Variants in ARPP19 observed in about 807,000 individuals in gnomAD.
ARPP19 encodes cAMP-regulated phosphoprotein 19.
A neutral mutation model predicts 12.0 loss-of-function variants in ARPP19; 8 were observed. The ratio of observed to expected loss-of-function variants is 0.67; its 90% CI spans 0.39 to 1.21. The LOEUF (loss-of-function observed/expected upper bound fraction) is 1.21. Ranked by LOEUF, ARPP19 falls within the 50% of genes most tolerant of loss-of-function variation. The pLI is 0.01. For missense variants in ARPP19, 102 were observed against 136.3 expected (o/e 0.75, Z 1.25); for synonymous variants, 47 against 50.4 (o/e 0.93, Z 0.29).
Position 52,568,837 on chromosome 15 carries a change from C to G in ARPP19, c.45+11G>C, listed in dbSNP as rs759462515. The G allele has an allele frequency of 6.4e-7, 1 of 1,568,582 alleles. No homozygotes were observed. The highest frequency in any genetic ancestry group is 1.4e-5 in the African/African-American group (1 of 70,312). Reference sequence around the variant, plus strand: ...TGGGCAGGGCCCAGGGCTCACGCCCCGCGCGCTCACCTTCTGCTCCTCCGC... The same window carrying G: ...TGGGCAGGGCCCAGGGCTCACGCCCGGCGCGCTCACCTTCTGCTCCTCCGC... On this transcript the variant is annotated intron_variant, in intron 1 of 2. Transcript: ENST00000249822.
At chr15:52,562,058 G>A (rs761079766) in intron 1 of ARPP19, among the ~76,000 whole-genome samples, 1 of 151,780 alleles carries the variant, frequency 6.6e-6, no homozygotes, top group East Asian at 1.9e-4. Flanking sequence ...GACTGCAGGC[G>A]TGAGCCACTG....
chr15:52,556,871 T>G (rs892056164), intron 2 of ARPP19: 11 of 407,290 alleles, frequency 2.7e-5, no homozygotes, highest in African/African-American at 6.2e-5. Context: ...TCTGCACTAT[T>G]TCTACATGCT....
At position 52,568,946 on chromosome 15, in the gene ARPP19, G is replaced by T. The variant is rs953406710; in HGVS notation, c.-54C>A. The T allele has an allele frequency of 3.5e-5, 40 of 1,147,572 alleles. No homozygotes were observed. Among genetic ancestry groups the T allele is most frequent in the Non-Finnish European group, 4.3e-5 (35 of 822,576 alleles). The allele number at this position is 1,147,572 out of a possible 1,614,324, so 71.1% of individuals were successfully genotyped here. On this transcript the variant is annotated 5_prime_UTR_variant, in exon 1 of 3. Transcript: ENST00000249822. ...GAAAAGATGCAATTAGCGGGTGGCC[G>T]AGGCCACCCGGCCGCCGCCCGTCCC...
intron 2 of ARPP19, among the ~76,000 whole-genome samples, chr15:52,556,196 G>A (rs927604911): frequency 6.6e-6 from 1 of 152,104 alleles, no homozygotes; most frequent in Non-Finnish European, 1.5e-5. Flanking sequence ...ACACAGACGT[G>A]TTTTAAGCAA....
At chr15:52,565,003 G>A (rs945420598) in intron 1 of ARPP19, among the ~76,000 whole-genome samples, 4 of 151,578 alleles carry the variant, frequency 2.6e-5, no homozygotes, top group Admixed American at 2.6e-4. Flanking sequence ...GGGTCCCTGA[G>A]CATAAGCTGC....
chr15:52,566,011 C>T (rs559118456), intron 1 of ARPP19, among the ~76,000 whole-genome samples: 4 of 152,118 alleles, frequency 2.6e-5, no homozygotes, highest in Non-Finnish European at 4.4e-5. Context: ...CGTGCCACCA[C>T]ACCCGGATAA....
chr15:52,557,969 A>G (rs975655571), intron 1 of ARPP19, among the ~76,000 whole-genome samples: 1 of 152,212 alleles, frequency 6.6e-6, no homozygotes, highest in African/African-American at 2.4e-5. Flanking sequence ...GTTTAAAATG[A>G]CAAACTCTGT....
intron 1 of ARPP19, among the ~76,000 whole-genome samples, chr15:52,566,632 T>A (rs529252342): frequency 7.9e-5 from 12 of 151,606 alleles, no homozygotes; most frequent in African/African-American, 2.9e-4. Flanking sequence ...GACAGAATCT[T>A]ACTATGTTGA....
intron 1 of ARPP19, among the ~76,000 whole-genome samples, chr15:52,563,069 T>G (rs1270091026): frequency 2.0e-5 from 3 of 151,922 alleles, no homozygotes; most frequent in Non-Finnish European, 4.4e-5. Context: ...ACAGACAGGG[T>G]TTCACCATCT....
chr15:52,561,142 T>G (rs1327617506), intron 1 of ARPP19, among the ~76,000 whole-genome samples: 1 of 152,232 alleles, frequency 6.6e-6, no homozygotes, highest in Non-Finnish European at 1.5e-5. Flanking sequence ...TCCACAGTCA[T>G]GTTCAAAAAT....
chr15:52,558,738 T>C (rs1345982521), intron 1 of ARPP19, among the ~76,000 whole-genome samples: 1 of 150,770 alleles, frequency 6.6e-6, no homozygotes, highest in Non-Finnish European at 1.5e-5. Context: ...AAAAAAAACT[T>C]CATAAAATTT....
rs150068296 is a variant in ARPP19 at position 52,568,893 on chromosome 15, A to G, written c.-1T>C. ...CTGCCTCGGGGACTTCCGCAGACAT[A>G]GTGCTCCCTCTGCAGACGAGACGCC... On this transcript the variant is annotated 5_prime_UTR_variant, in exon 1 of 3. Coordinates refer to ENST00000249822, the MANE Select transcript of ARPP19 (RefSeq NM_006628.6). The G allele has an allele frequency of 1.3e-6, 2 of 1,524,732 alleles. No individual in the cohort carries two copies. Among genetic ancestry groups the G allele is most frequent in the Non-Finnish European group, 1.8e-6 (2 of 1,133,966 alleles). 94.5% of individuals were successfully genotyped at this position (1,524,732 alleles called of 1,614,324 possible).
At chr15:52,556,270 T>C (rs1240733409) in intron 2 of ARPP19, among the ~76,000 whole-genome samples, 1 of 152,094 alleles carries the variant, frequency 6.6e-6, no homozygotes, top group Non-Finnish European at 1.5e-5. Flanking sequence ...CATTCAACAA[T>C]TCTCTTCCGT....
intron 1 of ARPP19, among the ~76,000 whole-genome samples, chr15:52,567,622 T>G (rs2078096220): frequency 6.6e-6 from 1 of 152,208 alleles, no homozygotes; most frequent in Non-Finnish European, 1.5e-5. Context: ...CAAAATCCAT[T>G]TTTTTGGTAA....
rs529830483 is a variant in ARPP19, at chr15:52,556,714, A to G, written c.168+386T>C. 2.0e-5 allele frequency among the ~76,000 whole-genome samples: 3 copies of G among 152,250 alleles called. No individual in the cohort carries two copies. The South Asian group carries it at 6.2e-4, about 32-fold the overall frequency. On this transcript the variant is annotated intron_variant, in intron 2 of 2. Coordinates refer to ENST00000249822, the MANE Select transcript of ARPP19 (RefSeq NM_006628.6). ...GCTTCTGGATAGTGGCTGCTTTTGG[A>G]GAGATAAGGGAAAGGGCTCATATTT... is the stretch of plus-strand genomic sequence containing the variant.
chr15:52,559,357 G>A (rs1738253413), intron 1 of ARPP19, among the ~76,000 whole-genome samples: 1 of 152,126 alleles, frequency 6.6e-6, no homozygotes, highest in Non-Finnish European at 1.5e-5. Flanking sequence ...ATCTTGCAGA[G>A]CATAAGTACA....
At chr15:52,565,038 CTT>C (rs543075410) in intron 1 of ARPP19, among the ~76,000 whole-genome samples, 1,432 of 137,008 alleles carry the variant, frequency 0.01, 22 homozygotes, top group African/African-American at 0.035. Context: ...AAATTACCAT[CTT>C]TTTTTTTTTT....
chr15:52,557,061 T>C (rs1320154171), intron 2 of ARPP19, 39 bp downstream of exon 2: 2 of 1,605,126 alleles, frequency 1.2e-6, no homozygotes, highest in South Asian at 1.1e-5. Flanking sequence ...ACTGAGTTTG[T>C]AGGGCTTAAG....
At chr15:52,556,569 C>T (rs2077983671) in intron 2 of ARPP19, among the ~76,000 whole-genome samples, 1 of 152,096 alleles carries the variant, frequency 6.6e-6, no homozygotes, top group African/African-American at 2.4e-5. Flanking sequence ...AAGGAGATAG[C>T]TGTGCATTTA....
Sources: gnomAD v4.1 joint callset for allele counts (sites outside exome capture counted in the v4.1 genomes callset) on GRCh38, gnomAD v4.1.1 for gene constraint, MANE v1.5 for transcripts, NCBI Gene and HGNC (gene_info 2026-07-23, HGNC 2026-07-21) for gene names.